The following OSBPL9 variants were observed in gnomAD, a reference collection of about 807,000 sequenced individuals.
The protein encoded by OSBPL9 is oxysterol-binding protein-related protein 9.
A neutral mutation model predicts 106.6 loss-of-function variants in OSBPL9; 40 were observed. The observed-to-expected ratio is 0.38, with a 90% CI of 0.29 to 0.49. OSBPL9 has a LOEUF of 0.49. Among genes scored for constraint, OSBPL9 ranks in the 20% least tolerant of loss-of-function variants. The pLI is 0.97. For missense variants in OSBPL9, 609 were observed against 887.2 expected, an observed-to-expected ratio of 0.69 and a Z score of 3.98; for synonymous variants, 269 against 295.4, an observed-to-expected ratio of 0.91 and a Z score of 0.92.
intron 3 of OSBPL9, among the ~76,000 whole-genome samples, chr1:51,695,612 G>A (rs1367119336): frequency 1.3e-5 from 2 of 152,142 alleles, no homozygotes; most frequent in East Asian, 1.9e-4. Context: ...TTTGTTCAGC[G>A]AAAACAGAAT....
intron 3 of OSBPL9, among the ~76,000 whole-genome samples, chr1:51,686,819 A>G (rs2148816410): frequency 6.6e-6 from 1 of 152,332 alleles, no homozygotes; most frequent in Admixed American, 6.5e-5. Flanking sequence ...GTTCTAACAC[A>G]CAGTTCTCTT....
intron 4 of OSBPL9, among the ~76,000 whole-genome samples, chr1:51,738,833 T>C (rs1666271187): frequency 6.6e-6 from 1 of 152,026 alleles, no homozygotes; most frequent in African/African-American, 2.4e-5. Context: ...TCCGTACTCA[T>C]TGAGTGCCTT....
chr1:51,595,937 C>T (rs147041494), intron 1 of OSBPL9, among the ~76,000 whole-genome samples: 175 of 152,198 alleles, frequency 1.1e-3, no homozygotes, highest in Middle Eastern at 3.4e-3. Flanking sequence ...ACTACACTTT[C>T]GTTTAACTTC....
intron 11 of OSBPL9, 100 bp from the exon 12 acceptor site, chr1:51,765,722 C>G: frequency 8.7e-7 from 1 of 1,144,404 alleles, no homozygotes; most frequent in East Asian, 2.6e-5. Flanking sequence ...CAAACTTAAC[C>G]AAACTCTTTT....
At chr1:51,581,565 T>G (rs1282805849) in intron 1 of OSBPL9, among the ~76,000 whole-genome samples, 1 of 152,268 alleles carries the variant, frequency 6.6e-6, no homozygotes, top group Non-Finnish European at 1.5e-5. Context: ...TTTGGAATTC[T>G]TCTGTACAGG....
chr1:51,528,123 C>A, the OSBPL9 span, among the ~76,000 whole-genome samples: 440 of 151,722 alleles, frequency 2.9e-3, 1 homozygote, highest in Non-Finnish European at 3.9e-3. Context: ...AAGACTCTGT[C>A]CCAAAAAAAA....
intron 3 of OSBPL9, among the ~76,000 whole-genome samples, chr1:51,698,296 G>A (rs370642283): frequency 6.0e-4 from 91 of 152,202 alleles, no homozygotes; most frequent in African/African-American, 2.1e-3. Flanking sequence ...TTAGAGTAGT[G>A]TTTTCTGAAC....
Position 51,729,577 on chromosome 1 carries a change from C to T in OSBPL9, c.318+15498C>T, listed in dbSNP as rs1312589239. On this transcript the variant is annotated intron_variant, in intron 4 of 23. Transcript: ENST00000428468. The surrounding 1 kb of genome is among the most constrained non-coding windows in gnomAD (Gnocchi z 5.1). ...CCGCCCCCCACGGAGGCGGCTGGGT[C>T]GCGGGTCTGGGCGGGGCGCTCCGGA... The T allele has an allele frequency of 1.2e-5, 2 of 171,842 alleles. No individual in the cohort carries two copies. Among genetic ancestry groups the T allele is most frequent in the Non-Finnish European group, 2.5e-5 (2 of 81,560 alleles). 10.6% of individuals were successfully genotyped at this position (171,842 alleles called of 1,614,324 possible). A position where few individuals can be genotyped will look rare whatever the true frequency, so the allele number is the denominator to read the frequency against.
chr1:51,651,067 G>T (rs540052171), intron 1 of OSBPL9, among the ~76,000 whole-genome samples: 1 of 152,176 alleles, frequency 6.6e-6, no homozygotes. Context: ...ACAGGGTGAT[G>T]CATGCCACAA....
At chr1:51,519,391 T>G in the OSBPL9 span, 1 of 234,806 alleles carries the variant, frequency 4.3e-6, no homozygotes. Context: ...CCGCCCCGCC[T>G]GGCCCCGCCC....
intron 1 of OSBPL9, among the ~76,000 whole-genome samples, chr1:51,632,534 A>C (rs1645169450): frequency 8.5e-6 from 1 of 117,970 alleles, no homozygotes; most frequent in African/African-American, 3.3e-5. Flanking sequence ...GGCAGATGAT[A>C]AATAATTTAC....
intron 4 of OSBPL9, among the ~76,000 whole-genome samples, chr1:51,721,866 A>G (rs1557739529): frequency 6.6e-6 from 1 of 152,268 alleles, no homozygotes; most frequent in Non-Finnish European, 1.5e-5. Flanking sequence ...AGCCAGTTAA[A>G]TAGTGCATGC....
chr1:51,630,821 G>T (rs1352021880), intron 1 of OSBPL9, among the ~76,000 whole-genome samples: 1 of 151,586 alleles, frequency 6.6e-6, no homozygotes. Flanking sequence ...TTGACACTTG[G>T]GTTTAAAACA....
the OSBPL9 span, among the ~76,000 whole-genome samples, chr1:51,569,166 T>TA: frequency 6.6e-6 from 1 of 152,164 alleles, no homozygotes; most frequent in African/African-American, 2.4e-5. Flanking sequence ...TTTCAGATGC[T>TA]AAAAAAAGGT....
At chr1:51,690,712 A>T (rs1484174607) in intron 3 of OSBPL9, among the ~76,000 whole-genome samples, 1 of 152,218 alleles carries the variant, frequency 6.6e-6, no homozygotes, top group East Asian at 1.9e-4. Flanking sequence ...TATAAAACAG[A>T]TAAAGATCCC....
intron 1 of OSBPL9, among the ~76,000 whole-genome samples, chr1:51,640,454 C>A (rs559741508): frequency 6.6e-6 from 1 of 152,224 alleles, no homozygotes; most frequent in Admixed American, 6.5e-5. Context: ...CAAGTAGTTA[C>A]TTTTGTGCTT....
intron 3 of OSBPL9, among the ~76,000 whole-genome samples, chr1:51,712,160 C>T (rs1292926927): frequency 5.3e-5 from 8 of 152,296 alleles, no homozygotes; most frequent in Non-Finnish European, 7.4e-5. Context: ...TCTGCAATCC[C>T]GGCACCTCGG....
In OSBPL9 at chr1:51,772,650, G is replaced by C. The variant is rs1397127120; in HGVS notation, c.1097G>C (p.Gly366Ala). ...HDDRDDDAEA[G>A]SVEEHKSVIM... ...GACAGAGATGATGATGCGGAGGCAG[G>C]GTCTGTGGAGGAGCACAAGAGCGTT... Residue 366 changes from glycine (G) to alanine (A), a missense_variant, in exon 14 of 24, where the codon GGG (glycine) becomes GCG (alanine). Coordinates refer to ENST00000428468, the MANE Select transcript of OSBPL9 (RefSeq NM_024586.6). 3.1e-6 allele frequency: 5 copies of C among 1,614,148 alleles called. No individual in the cohort carries two copies. Among genetic ancestry groups the C allele is most frequent in the Non-Finnish European group, 4.2e-6 (5 of 1,180,012 alleles).
intron 3 of OSBPL9, among the ~76,000 whole-genome samples, chr1:51,692,616 C>CTCCT (rs893447252): frequency 1.5e-4 from 22 of 149,520 alleles, no homozygotes; most frequent in South Asian, 6.4e-4. Context: ...CTTTCTCTCT[C>CTCCT]TCCTTCCTTC....
Sources: allele counts gnomAD v4.1 joint callset (sites outside exome capture counted in the v4.1 genomes callset), GRCh38; gene constraint gnomAD v4.1.1; non-coding constraint Gnocchi (gnomAD v3.1); transcripts MANE v1.5; gene names NCBI Gene and HGNC (gene_info 2026-07-23, HGNC 2026-07-21).